CCDC30: variants seen among roughly 807,000 people sequenced by gnomAD.
The protein encoded by CCDC30 is coiled-coil domain-containing protein 30.
Under a neutral mutation model 100.2 loss-of-function variants are expected in CCDC30, and 70 were observed. The ratio of observed to expected loss-of-function variants is 0.70; its 90% CI spans 0.58 to 0.85. CCDC30 has a LOEUF of 0.85. Ranked by LOEUF, CCDC30 falls within the 40% of genes least tolerant of loss-of-function variation. CCDC30 has a pLI of 0.00. For missense variants in CCDC30, 652 were observed against 771.2 expected, an observed-to-expected ratio of 0.85 and a Z score of 1.83; for synonymous variants, 233 against 269.5, an observed-to-expected ratio of 0.86 and a Z score of 1.33.
intron 10 of CCDC30, chr1:42,594,313 A>G (rs1448575065): frequency 6.6e-6 from 1 of 152,202 alleles, no homozygotes; most frequent in Admixed American, 6.6e-5. Context: ...GTTCGAGACC[A>G]GCCTTGGCAA....
exon 14 of CCDC30, chr1:42,644,806 A>G (rs1262857674): frequency 4.4e-6 from 7 of 1,591,170 alleles, no homozygotes; most frequent in Non-Finnish European, 6.0e-6. Flanking sequence ...CGCAGAGGAG[A>G]GGTAAGATGT....
At chr1:42,590,997 A>G (rs1570170804) in intron 10 of CCDC30, 1 of 152,418 alleles carries the variant, frequency 6.6e-6, no homozygotes, top group East Asian at 1.9e-4. Flanking sequence ...AGAAATTTCT[A>G]AGCAGCAAAG....
Position 42,625,570 on chromosome 1 carries a change from T to G in CCDC30, c.1278-11667T>G, listed in dbSNP as rs57649179. Among the ~76,000 whole-genome samples the G allele has an allele frequency of 1.1e-3, 161 of 152,262 alleles. 2 individuals are homozygous for G. The highest frequency in any genetic ancestry group is 3.4e-3 in the Middle Eastern group (1 of 294). On this transcript the variant is annotated intron_variant, in intron 11 of 16. Coordinates refer to ENST00000668663, the Ensembl canonical transcript of CCDC30. ...TATGTTGTGTTTCCATTATCATTCG[T>G]TTCAATAAATTTTTCAATTTCCTTC... is the stretch of plus-strand genomic sequence containing the variant.
chr1:42,560,666 C>A (rs1340573782), intron 6 of CCDC30, among the ~76,000 whole-genome samples: 6 of 151,784 alleles, frequency 4.0e-5, no homozygotes. Flanking sequence ...CTGCACCCGG[C>A]CCAGGAGCTG....
In CCDC30 at chr1:42,646,174, G is replaced by GGCAA; in HGVS notation, c.1714_1717dup (p.Leu573GlnfsTer18). 1 of 1,603,882 alleles carries GGCAA rather than the reference G, an allele frequency of 6.2e-7. No individual in the cohort carries two copies. The highest frequency in any genetic ancestry group is 8.5e-7 in the Non-Finnish European group (1 of 1,175,136). On this transcript the variant is annotated frameshift_variant, in exon 15 of 17. Transcript: ENST00000668663. LOFTEE classifies it high-confidence loss of function. ...TCCTGTTCCAAAATGGTGGCATAGA[G>GGCAA]GCAAGCTGGCTTCTCTCCCTCCAAC...
At chr1:42,492,734 A>G (rs895633912) in intron 4 of CCDC30, among the ~76,000 whole-genome samples, 5 of 152,032 alleles carry the variant, frequency 3.3e-5, no homozygotes, top group African/African-American at 7.2e-5. Context: ...TGCAACCTCT[A>G]CCTCCTAGGT....
intron 11 of CCDC30, among the ~76,000 whole-genome samples, chr1:42,621,802 C>T (rs1375081557): frequency 3.3e-5 from 5 of 151,802 alleles, no homozygotes; most frequent in Non-Finnish European, 5.9e-5. Context: ...TGAGCCACCG[C>T]GCCCGGCCTA....
intron 14 of CCDC30, among the ~76,000 whole-genome samples, 181 bp from the exon 19 acceptor site, chr1:42,645,954 G>A (rs925157162): frequency 6.6e-6 from 1 of 152,170 alleles, no homozygotes. Flanking sequence ...ACTTAATGGA[G>A]TATGTCTGGG....
chr1:42,577,242 A>G lies in CCDC30; in HGVS notation c.846+13A>G. The G allele has an allele frequency of 6.5e-7, 1 of 1,547,442 alleles. No homozygotes were observed. The highest frequency in any genetic ancestry group is 8.9e-7 in the Non-Finnish European group (1 of 1,119,938). ...TGCAGAGGAAAAGGTAATTATCCTC[A>G]TGCTTAATAAACAGCATACACTGAA... On this transcript the variant is annotated intron_variant, in intron 8 of 16. Transcript: ENST00000668663.
intron 9 of CCDC30, among the ~76,000 whole-genome samples, chr1:42,584,074 T>C (rs1646020776): frequency 6.6e-6 from 1 of 152,168 alleles, no homozygotes; most frequent in South Asian, 2.1e-4. Context: ...GCAGCAGATA[T>C]CTAGCAGTGT....
chr1:42,619,358 G>T (rs1646786181), intron 11 of CCDC30, among the ~76,000 whole-genome samples: 1 of 152,176 alleles, frequency 6.6e-6, no homozygotes, highest in Admixed American at 6.5e-5. Context: ...CTTAGCAGGG[G>T]CCAAGGGAAA....
intron 6 of CCDC30, among the ~76,000 whole-genome samples, chr1:42,565,601 A>G (rs1645588799): frequency 6.6e-6 from 1 of 152,214 alleles, no homozygotes; most frequent in Admixed American, 6.5e-5. Context: ...GTAAATTAGT[A>G]CAACCAATAT....
At chr1:42,577,500 T>G (rs1357024177) in intron 8 of CCDC30, among the ~76,000 whole-genome samples, 1 of 152,334 alleles carries the variant, frequency 6.6e-6, no homozygotes, top group East Asian at 1.9e-4. Flanking sequence ...ATGTGGCCTT[T>G]GTTTTATATT....
At chr1:42,536,729 AG>A in intron 6 of CCDC30, 128 bp downstream of exon 7, 2 of 665,510 alleles carry the variant, frequency 3.0e-6, no homozygotes, top group Non-Finnish European at 5.2e-6. Flanking sequence ...ACCACAGACT[AG>A]GTGGCTCAAA....
At chr1:42,587,634 G>T (rs1646100039) in intron 9 of CCDC30, among the ~76,000 whole-genome samples, 1 of 152,138 alleles carries the variant, frequency 6.6e-6, no homozygotes, top group South Asian at 2.1e-4. Context: ...AAATATAATT[G>T]TCCCCCAATA....
intron 10 of CCDC30, among the ~76,000 whole-genome samples, chr1:42,603,592 A>G (rs1646447267): frequency 6.6e-6 from 1 of 152,250 alleles, no homozygotes; most frequent in Non-Finnish European, 1.5e-5. Context: ...CATACCTATT[A>G]GAATGAACCA....
intron 7 of CCDC30, among the ~76,000 whole-genome samples, chr1:42,576,323 T>A (rs1645836713): frequency 1.3e-5 from 2 of 152,184 alleles, no homozygotes; most frequent in South Asian, 4.1e-4. Context: ...AATGACAGCA[T>A]GTGCTAAATG....
intron 11 of CCDC30, among the ~76,000 whole-genome samples, chr1:42,627,145 C>T (rs1286535348): frequency 6.6e-6 from 1 of 152,076 alleles, no homozygotes; most frequent in Non-Finnish European, 1.5e-5. Flanking sequence ...CTGAGATGGT[C>T]TCAGATGGAG....
At chr1:42,559,846 C>T (rs1645450180) in intron 6 of CCDC30, among the ~76,000 whole-genome samples, 3 of 152,204 alleles carry the variant, frequency 2.0e-5, no homozygotes. Flanking sequence ...ACATTCTTCT[C>T]AGTGCAACAT....
Sources: allele counts gnomAD v4.1 joint callset (sites outside exome capture counted in the v4.1 genomes callset), GRCh38; gene constraint gnomAD v4.1.1; transcripts MANE v1.5; gene names NCBI Gene and HGNC (gene_info 2026-07-23, HGNC 2026-07-21).